Variants in PUDP observed in about 807,000 individuals in gnomAD.
PUDP encodes the protein pseudouridine 5'-phosphatase.
PUDP carries 8 observed loss-of-function variants against 9.4 expected under a neutral mutation model. That is an observed-to-expected ratio of 0.85 (90% confidence interval 0.50 to 1.53). The LOEUF (loss-of-function observed/expected upper bound fraction) is 1.53, where lower values mean the gene tolerates loss of function less well. Among genes scored for constraint, PUDP ranks in the 40% most tolerant of loss-of-function variants. The pLI is 0.00. For missense variants in PUDP, 188 were observed against 189.7 expected (o/e 0.99, Z 0.05); for synonymous variants, 99 against 80.7 (o/e 1.23, Z -1.22).
At chrX:6,783,136 G>A (rs1361117941) in intron 3 of PUDP, among the ~76,000 whole-genome samples, 1 of 111,662 alleles carries the variant, frequency 9.0e-6, no homozygotes, top group Non-Finnish European at 1.9e-5. Context: ...CCGGAATTGG[G>A]AGTGTCCAAT....
At chrX:6,914,166 C>CAA (rs11313132) in intron 3 of PUDP, among the ~76,000 whole-genome samples, 8 of 55,052 alleles carry the variant, frequency 1.5e-4, no homozygotes, top group East Asian at 5.8e-4. Context: ...GACCCCGTCT[C>CAA]AAAAAAAAAA....
chrX:6,739,233 G>T (rs1379849272), intron 3 of PUDP, among the ~76,000 whole-genome samples: 1 of 111,419 alleles, frequency 9.0e-6, no homozygotes, highest in Non-Finnish European at 1.9e-5. Flanking sequence ...CCTGCTTTTT[G>T]CTGAAATCGT....
intron 3 of PUDP, among the ~76,000 whole-genome samples, chrX:6,734,063 C>T (rs762676531): frequency 2.2e-4 from 24 of 111,149 alleles, no homozygotes; most frequent in Middle Eastern, 4.7e-3. Flanking sequence ...CAGGCATGAG[C>T]CACCACGCCT....
intron 3 of PUDP, among the ~76,000 whole-genome samples, chrX:6,748,744 T>C (rs925637415): frequency 1.8e-5 from 2 of 111,982 alleles, no homozygotes; most frequent in Admixed American, 1.9e-4. Context: ...ATACCTATTT[T>C]TGAAGAGTAG....
chrX:6,913,323 T>C (rs1479630638), intron 3 of PUDP, among the ~76,000 whole-genome samples: 1 of 111,991 alleles, frequency 8.9e-6, no homozygotes, highest in East Asian at 2.8e-4. Context: ...ATTTAATATA[T>C]ATTATATTTT....
chrX:6,861,052 C>T lies in PUDP; in HGVS notation c.*247+116081G>A, dbSNP rs552911260. Among the ~76,000 whole-genome samples, 31 of 112,227 alleles carry T rather than the reference C, an allele frequency of 2.8e-4. No individual in the cohort carries two copies. The South Asian group carries it at 0.012, about 42-fold the overall frequency. On this transcript the variant is annotated intron_variant and NMD_transcript_variant, in intron 3 of 3. Coordinates refer to the PUDP transcript ENST00000655425. ...ATATAGCTGTGATGATCCCAGGAGT[C>T]ATATTTGCATATGCAGACATTTTCC...
chrX:6,907,925 G>A (rs1216485859), intron 3 of PUDP, among the ~76,000 whole-genome samples: 3 of 112,476 alleles, frequency 2.7e-5, no homozygotes, highest in Non-Finnish European at 5.6e-5. Flanking sequence ...AACTCCATGG[G>A]AGCAGGAACC....
At chrX:7,051,020 C>T (rs1220492081) in intron 3 of PUDP, among the ~76,000 whole-genome samples, 2 of 111,284 alleles carry the variant, frequency 1.8e-5, no homozygotes, top group Admixed American at 9.6e-5. Flanking sequence ...TGGATAATCG[C>T]GAAAATCCAC....
intron 1 of PUDP, among the ~76,000 whole-genome samples, chrX:6,991,897 T>G (rs1929184739): frequency 9.0e-6 from 1 of 110,559 alleles, no homozygotes; most frequent in South Asian, 3.8e-4. Context: ...AGTGACAAAG[T>G]GAAAATATTT....
chrX:7,102,324 A>G (rs1269731714), intron 2 of PUDP, among the ~76,000 whole-genome samples: 58 of 109,917 alleles, frequency 5.3e-4, no homozygotes, highest in African/African-American at 1.8e-3. Flanking sequence ...AACCAAAAAA[A>G]AAAAAAAAAA....
At chrX:6,762,710 A>C (rs995190301) in intron 3 of PUDP, among the ~76,000 whole-genome samples, 1 of 112,603 alleles carries the variant, frequency 8.9e-6, no homozygotes, top group African/African-American at 3.2e-5. Context: ...GTATGTTTTA[A>C]AGTAACGTTC....
intron 2 of PUDP, among the ~76,000 whole-genome samples, chrX:7,078,440 G>A (rs1351024142): frequency 9.0e-6 from 1 of 111,607 alleles, no homozygotes; most frequent in East Asian, 2.8e-4. Context: ...CTACAGGCAT[G>A]TGCCACCACG....
Position 6,774,079 on chromosome X carries a change from C to A in PUDP, c.*248-67613G>T, listed in dbSNP as rs186818257. The stretch of plus-strand genomic sequence containing the variant: ...ACTTGAACCCAGGAGGAAGAGTTGG[C>A]AGTGAGCTGAGACTGCCGCTGCACT... On this transcript the variant is annotated intron_variant and NMD_transcript_variant, in intron 3 of 3. Transcript: ENST00000655425. 6.8e-3 allele frequency among the ~76,000 whole-genome samples: 759 copies of A among 111,614 alleles called. 5 individuals are homozygous for A. The highest frequency in any genetic ancestry group is 0.023 in the African/African-American group (704 of 30,682).
chrX:6,769,698 T>C (rs1206885691), intron 3 of PUDP, among the ~76,000 whole-genome samples: 2 of 112,587 alleles, frequency 1.8e-5, no homozygotes. Flanking sequence ...ACGTTATCAT[T>C]GCTGCATCTT....
intron 3 of PUDP, among the ~76,000 whole-genome samples, chrX:7,069,103 G>A (rs1930652625): frequency 8.9e-6 from 1 of 111,928 alleles, no homozygotes; most frequent in African/African-American, 3.2e-5. Context: ...GTTCCTGGGT[G>A]AGAGGAAGTG....
chrX:7,027,194 C>G lies in PUDP; in HGVS notation c.205-48851G>C, dbSNP rs1929723166. Reference sequence around the variant, plus strand: ...CAGCAGATTCAGCTCATTCTCCCATCGCAGCCCTGCTCCCCTATGCCCAGT... The same window carrying G: ...CAGCAGATTCAGCTCATTCTCCCATGGCAGCCCTGCTCCCCTATGCCCAGT... On this transcript the variant is annotated intron_variant and NMD_transcript_variant, in intron 1 of 3. Transcript: ENST00000655425. Among the ~76,000 whole-genome samples the G allele has an allele frequency of 1.8e-5, 2 of 110,998 alleles. 1 individual carries two copies. Among genetic ancestry groups the G allele is most frequent in the African/African-American group, 6.6e-5 (2 of 30,498 alleles).
chrX:6,753,101 G>C (rs995858040), intron 3 of PUDP, among the ~76,000 whole-genome samples: 1 of 110,534 alleles, frequency 9.0e-6, no homozygotes, highest in Non-Finnish European at 1.9e-5. Flanking sequence ...CACCCTATTT[G>C]TGGTCTTTCA....
intron 3 of PUDP, among the ~76,000 whole-genome samples, chrX:6,753,653 G>T (rs1910276582): frequency 9.0e-6 from 1 of 111,369 alleles, no homozygotes; most frequent in African/African-American, 3.3e-5. Context: ...TTGTTTTTTT[G>T]ATTGTGTCCA....
chrX:7,065,050 T>C (rs1930509645), intron 3 of PUDP, among the ~76,000 whole-genome samples: 1 of 111,752 alleles, frequency 8.9e-6, no homozygotes, highest in Non-Finnish European at 1.9e-5. Flanking sequence ...AAAATATCCC[T>C]TCCTTTTCAA....
Sources: allele counts gnomAD v4.1 joint callset (sites outside exome capture counted in the v4.1 genomes callset), GRCh38; gene constraint gnomAD v4.1.1; transcripts MANE v1.5; gene names NCBI Gene and HGNC (gene_info 2026-07-23, HGNC 2026-07-21).